LAMA4: variants seen among roughly 807,000 people sequenced by gnomAD.
LAMA4 encodes the protein laminin subunit alpha-4.
A neutral mutation model predicts 207.1 loss-of-function variants in LAMA4; 127 were observed. That is an observed-to-expected ratio of 0.61 (90% CI 0.53 to 0.71). LAMA4 has a LOEUF of 0.71. Ranked by LOEUF, LAMA4 falls within the 30% of genes least tolerant of loss-of-function variation. LAMA4 has a pLI of 0.00. For synonymous variants in LAMA4, 761 were observed against 816.0 expected (o/e 0.93, Z 1.15); for missense variants, 2,093 against 2,246.5 (o/e 0.93, Z 1.38).
Position 112,121,803 on chromosome 6 carries a change from T to A in LAMA4, c.4475+211A>T. On this transcript the variant is annotated intron_variant, in intron 32 of 38. Transcript: ENST00000230538. Reference sequence around the variant, plus strand: ...CAAATACAGTATCCTGGAAGAATACTGTTTTATGAACCTTACAATTGGAAA... The same window carrying A: ...CAAATACAGTATCCTGGAAGAATACAGTTTTATGAACCTTACAATTGGAAA... 7.7e-6 allele frequency: 4 copies of A among 521,870 alleles called. No individual in the cohort carries two copies. The South Asian group carries it at 8.2e-5, about 11-fold the overall frequency. 32.3% of individuals were successfully genotyped at this position (521,870 alleles called of 1,614,324 possible).
chr6:112,155,424 A>G, intron 15 of LAMA4, 141 bp downstream of exon 15: 1 of 881,260 alleles, frequency 1.1e-6, no homozygotes, highest in Non-Finnish European at 1.8e-6. Context: ...GGCATTCATG[A>G]AATGGTCTTC....
chr6:112,159,223 A>C (rs1780906875), intron 13 of LAMA4, among the ~76,000 whole-genome samples: 1 of 152,166 alleles, frequency 6.6e-6, no homozygotes. Flanking sequence ...TATTTCAAAA[A>C]ATGGAAGTTG....
chr6:112,172,515 A>C, intron 12 of LAMA4, 96 bp downstream of exon 12: 1 of 1,088,584 alleles, frequency 9.2e-7, no homozygotes, highest in Non-Finnish European at 1.4e-6. Context: ...ATTTAACTAT[A>C]CCAATATTTT....
At chr6:112,136,088 A>G in intron 25 of LAMA4, 35 bp downstream of exon 25, 2 of 1,601,952 alleles carry the variant, frequency 1.2e-6, no homozygotes, top group Non-Finnish European at 1.7e-6. Context: ...TATAAAGAAC[A>G]AAAACAAAAC....
chr6:112,216,081 C>A (rs1309206254), intron 3 of LAMA4, among the ~76,000 whole-genome samples: 2 of 152,206 alleles, frequency 1.3e-5, no homozygotes, highest in Non-Finnish European at 2.9e-5. Flanking sequence ...CTCTATGTAT[C>A]ATTTTCAATC....
chr6:112,196,510 G>T (rs1026445196), intron 5 of LAMA4: 1 of 152,180 alleles, frequency 6.6e-6, no homozygotes, highest in Non-Finnish European at 1.5e-5. Context: ...TCTCTGGGTT[G>T]TTCCAATTTT....
In LAMA4 at chr6:112,253,660, G is replaced by A. The variant is rs1197494216; in HGVS notation, c.195+296C>T. The A allele has an allele frequency of 7.4e-6, 10 of 1,351,822 alleles. No individual in the cohort carries two copies. In the East Asian group the frequency reaches 2.3e-4, roughly 31 times the overall value. 83.7% of individuals were successfully genotyped at this position (1,351,822 alleles called of 1,614,324 possible). A position where few individuals can be genotyped will look rare whatever the true frequency, so the allele number is the denominator to read the frequency against. On this transcript the variant is annotated intron_variant, in intron 2 of 38. Transcript: ENST00000230538. ...GGACACGCAAGTGGCAGAAGTCACC[G>A]ATGTGCTGCTGCAGTCCCCGGTGAG...
chr6:112,193,834 G>A (rs1554349794), intron 5 of LAMA4, among the ~76,000 whole-genome samples: 2 of 152,158 alleles, frequency 1.3e-5, no homozygotes, highest in African/African-American at 4.8e-5. Flanking sequence ...AAATGAATGA[G>A]TGGATTCATC....
At chr6:112,223,895 T>C (rs1684469492) in intron 2 of LAMA4, among the ~76,000 whole-genome samples, 1 of 152,268 alleles carries the variant, frequency 6.6e-6, no homozygotes, top group Non-Finnish European at 1.5e-5. Flanking sequence ...ATCCTGCTTC[T>C]TTAGTGAAAA....
chr6:112,130,203 T>C (rs1554329233), intron 29 of LAMA4, 163 bp from the exon 30 acceptor site: 1 of 638,172 alleles, frequency 1.6e-6, no homozygotes, highest in Non-Finnish European at 2.8e-6. Flanking sequence ...GATAAAATGG[T>C]TGGATATTTC....
Position 112,178,162 on chromosome 6 carries a change from T to C in LAMA4, c.1148A>G (p.Gln383Arg), listed in dbSNP as rs782312663. 1.2e-6 allele frequency: 2 copies of C among 1,613,982 alleles called. No individual in the cohort carries two copies. Among genetic ancestry groups the C allele is most frequent in the Admixed American group, 1.7e-5 (1 of 60,022 alleles). The change falls in exon 10 of 39, where the codon CAG (glutamine) becomes CGG (arginine). Residue 383 changes from glutamine (Q) to arginine (R), a missense_variant. This residue lies in a region of LAMA4 where 1,704 missense variants were observed against 1,788.4 expected (regional missense o/e 0.95). Coordinates refer to ENST00000230538, the MANE Select transcript of LAMA4 (RefSeq NM_001105206.3). Reference protein sequence around the residue: ...ESMDTINHASQLVEQAHDMRD... With the variant: ...ESMDTINHASRLVEQAHDMRD... ...CATATCATGGGCTTGCTCTACCAGC[T>C]GACTTGCGTGGTTAATGGTGTCCAT... is the stretch of plus-strand genomic sequence containing the variant.
At chr6:112,129,182 G>T in intron 30 of LAMA4, 107 bp from the exon 31 acceptor site, 1 of 522,426 alleles carries the variant, frequency 1.9e-6, no homozygotes, top group Non-Finnish European at 3.2e-6. Context: ...GTGTGTGTGT[G>T]TGTGCATGTG....
chr6:112,198,541 G>A (rs6912145), intron 5 of LAMA4, among the ~76,000 whole-genome samples: 91,173 of 151,972 alleles, frequency 0.6, 29,122 homozygotes, highest in African/African-American at 0.83. Context: ...AAAGACCACC[G>A]CAATTTGGAA....
intron 2 of LAMA4, among the ~76,000 whole-genome samples, chr6:112,241,268 AACG>A (rs1404337974): frequency 1.4e-5 from 2 of 147,762 alleles, no homozygotes; most frequent in Non-Finnish European, 3.0e-5. Context: ...CAGAAATCTC[AACG>A]ACTGTTACTC....
chr6:112,153,944 G>A (rs1554336266), intron 16 of LAMA4, among the ~76,000 whole-genome samples: 1 of 152,062 alleles, frequency 6.6e-6, no homozygotes. Flanking sequence ...CTGTGTAATG[G>A]CTCTTTGCAA....
At chr6:112,151,465 G>C (rs1780399079) in intron 16 of LAMA4, among the ~76,000 whole-genome samples, 1 of 152,086 alleles carries the variant, frequency 6.6e-6, no homozygotes, top group African/African-American at 2.4e-5. Flanking sequence ...AGATGAATTT[G>C]GGAGAATTGT....
intron 2 of LAMA4, among the ~76,000 whole-genome samples, chr6:112,231,007 G>C (rs1244508915): frequency 6.6e-6 from 1 of 152,210 alleles, no homozygotes; most frequent in African/African-American, 2.4e-5. Context: ...TGAGGATGAT[G>C]ATGAAGAAGA....
At chr6:112,161,878 G>A (rs182336378) in intron 13 of LAMA4, among the ~76,000 whole-genome samples, 4 of 152,272 alleles carry the variant, frequency 2.6e-5, no homozygotes, top group Non-Finnish European at 5.9e-5. Flanking sequence ...AGTGCAGTGA[G>A]TGAGAAAAGA....
At chr6:112,124,914 G>A (rs1778597335) in intron 31 of LAMA4, among the ~76,000 whole-genome samples, 1 of 152,028 alleles carries the variant, frequency 6.6e-6, no homozygotes, top group African/African-American at 2.4e-5. Context: ...GCGCCACCAT[G>A]CCCAGCCAAT....
Sources: gnomAD v4.1 joint callset for allele counts (sites outside exome capture counted in the v4.1 genomes callset) on GRCh38, gnomAD v4.1.1 for gene constraint, gnomAD v4.1.1 regional missense constraint, MANE v1.5 for transcripts, NCBI Gene and HGNC (gene_info 2026-07-23, HGNC 2026-07-21) for gene names.